The following SYT9 variants were observed in gnomAD, a reference collection of about 807,000 sequenced individuals.
The protein encoded by SYT9 is synaptotagmin-9.
A neutral mutation model predicts 48.4 loss-of-function variants in SYT9; 22 were observed. The ratio of observed to expected loss-of-function variants is 0.45; its 90% CI spans 0.32 to 0.65. The LOEUF is 0.65. Among genes scored for constraint, SYT9 ranks in the 30% least tolerant of loss-of-function variants. The probability of loss-of-function intolerance (pLI) is 0.03; values close to 1 mark genes in which losing one functional copy is unlikely to be tolerated. For synonymous variants in SYT9, 265 were observed against 245.0 expected (o/e 1.08, Z -0.76); for missense variants, 577 against 622.0 (o/e 0.93, Z 0.77).
chr11:7,309,713 C>T (rs1045042548), intron 2 of SYT9, among the ~76,000 whole-genome samples: 1 of 152,106 alleles, frequency 6.6e-6, no homozygotes, highest in South Asian at 2.1e-4. Flanking sequence ...CCATTTCCTC[C>T]ACCCCCTCTT....
chr11:7,261,215 G>A (rs1848072153), intron 1 of SYT9, among the ~76,000 whole-genome samples: 2 of 152,100 alleles, frequency 1.3e-5, no homozygotes, highest in South Asian at 2.1e-4. Context: ...CACATTTTTG[G>A]GACATGCCTG....
At chr11:7,439,264 T>C (rs568887367) in intron 6 of SYT9, 5 of 152,350 alleles carry the variant, frequency 3.3e-5, no homozygotes, top group South Asian at 2.1e-4. Context: ...TTCAGTGTCA[T>C]GATGGTGTGA....
intron 6 of SYT9, chr11:7,453,937 G>A: frequency 1.0e-6 from 1 of 957,300 alleles, no homozygotes; most frequent in East Asian, 1.2e-4. Flanking sequence ...GGAGCACCAG[G>A]GAAGAGGCCT....
Position 7,466,957 on chromosome 11 carries a change from G to T in SYT9, c.*157G>T. 1.1e-6 allele frequency: 1 copy of T among 949,862 alleles called. No homozygotes were observed. Among genetic ancestry groups the T allele is most frequent in the Non-Finnish European group, 1.6e-6 (1 of 619,900 alleles). The allele number at this position is 949,862 out of a possible 1,614,324, so 58.8% of individuals were successfully genotyped here. A position where few individuals can be genotyped will look rare whatever the true frequency, so the allele number is the denominator to read the frequency against. On this transcript the variant is annotated 3_prime_UTR_variant, in exon 7 of 7. Transcript: ENST00000318881. ...CTAACTGGCCTTCTTTCCAGATTGG[G>T]TTTGGTGAACCTGAATGGTCCAGCC...
At chr11:7,287,313 C>T (rs992544087) in intron 1 of SYT9, among the ~76,000 whole-genome samples, 1 of 152,134 alleles carries the variant, frequency 6.6e-6, no homozygotes, top group African/African-American at 2.4e-5. Context: ...AGGTAACCAC[C>T]CCCATGATTC....
At chr11:7,409,718 TC>T (rs1847097232) in intron 3 of SYT9, among the ~76,000 whole-genome samples, 1 of 152,092 alleles carries the variant, frequency 6.6e-6, no homozygotes, top group African/African-American at 2.4e-5. Flanking sequence ...TTGTAATATC[TC>T]CCTTTTCATT....
chr11:7,365,895 A>G (rs1850231331), intron 3 of SYT9, among the ~76,000 whole-genome samples: 1 of 152,232 alleles, frequency 6.6e-6, no homozygotes, highest in Admixed American at 6.5e-5. Context: ...GGTCAGTACT[A>G]TGCCACACTG....
At chr11:7,398,345 T>G (rs1032140453) in intron 3 of SYT9, among the ~76,000 whole-genome samples, 1 of 152,130 alleles carries the variant, frequency 6.6e-6, no homozygotes, top group Non-Finnish European at 1.5e-5. Context: ...TGAGTTTAGT[T>G]TGCTAAAATG....
At chr11:7,257,464 C>G (rs1428646286) in intron 1 of SYT9, among the ~76,000 whole-genome samples, 1 of 151,344 alleles carries the variant, frequency 6.6e-6, no homozygotes, top group Admixed American at 6.6e-5. Context: ...CAAATGTCAC[C>G]CTATGTTAAA....
chr11:7,267,937 C>G (rs894568815), intron 1 of SYT9, among the ~76,000 whole-genome samples: 2 of 151,836 alleles, frequency 1.3e-5, no homozygotes, highest in Non-Finnish European at 2.9e-5. Context: ...ATAGAAAGCA[C>G]AAGAAAATGG....
At chr11:7,432,547 C>CAAAAA (rs67650978) in intron 6 of SYT9, among the ~76,000 whole-genome samples, 2 of 16,950 alleles carry the variant, frequency 1.2e-4, no homozygotes, top group Non-Finnish European at 1.1e-4. Context: ...GACTCCATCT[C>CAAAAA]AAAAAAAAAA....
chr11:7,320,504 C>T (rs1849318641), intron 3 of SYT9, among the ~76,000 whole-genome samples: 2 of 152,104 alleles, frequency 1.3e-5, no homozygotes, highest in Admixed American at 6.6e-5. Context: ...GGTTTGCTTC[C>T]TGCTGGGTGC....
chr11:7,283,279 G>T (rs932309440), intron 1 of SYT9, among the ~76,000 whole-genome samples: 3 of 151,752 alleles, frequency 2.0e-5, no homozygotes, highest in South Asian at 2.1e-4. Context: ...CAAATGCTTT[G>T]TAAGACTCAG....
intron 1 of SYT9, among the ~76,000 whole-genome samples, chr11:7,278,733 A>C (rs188996863): frequency 6.6e-6 from 1 of 152,350 alleles, no homozygotes; most frequent in East Asian, 1.9e-4. Context: ...AAGAGGATTA[A>C]AAAACAAGGA....
intron 1 of SYT9, among the ~76,000 whole-genome samples, chr11:7,241,642 G>A (rs1363447423): frequency 1.3e-5 from 2 of 152,228 alleles, no homozygotes; most frequent in Non-Finnish European, 2.9e-5. Flanking sequence ...GATTAGTCAA[G>A]TGGGACTGGA....
intron 3 of SYT9, among the ~76,000 whole-genome samples, chr11:7,363,233 A>G (rs994176877): frequency 1.8e-4 from 28 of 152,218 alleles, no homozygotes; most frequent in African/African-American, 6.5e-4. Context: ...TCACTGGACT[A>G]GCTAGAGAAG....
intron 2 of SYT9, among the ~76,000 whole-genome samples, chr11:7,309,858 C>T (rs964158600): frequency 1.3e-5 from 2 of 152,134 alleles, no homozygotes; most frequent in Admixed American, 1.3e-4. Context: ...TCTTCCGTGC[C>T]TCTCCCCGAA....
At chr11:7,323,555 T>C (rs1849375013) in intron 3 of SYT9, among the ~76,000 whole-genome samples, 1 of 152,088 alleles carries the variant, frequency 6.6e-6, no homozygotes, top group Non-Finnish European at 1.5e-5. Context: ...AAAAATGCTT[T>C]GATTATTCAT....
At chr11:7,397,756 C>G (rs1392432419) in intron 3 of SYT9, among the ~76,000 whole-genome samples, 1 of 152,132 alleles carries the variant, frequency 6.6e-6, no homozygotes, top group East Asian at 1.9e-4. Context: ...GCACCCCTAA[C>G]TATACATGTA....
Sources: gnomAD v4.1 joint callset for allele counts (sites outside exome capture counted in the v4.1 genomes callset) on GRCh38, gnomAD v4.1.1 for gene constraint, MANE v1.5 for transcripts, NCBI Gene and HGNC (gene_info 2026-07-23, HGNC 2026-07-21) for gene names.